CYRIB: variants seen among roughly 807,000 people sequenced by gnomAD.
CYRIB encodes CYFIP-related Rac1 interactor B.
In CYRIB, 8 loss-of-function variants were observed where a neutral mutation model predicts 44.2. The observed-to-expected ratio is 0.18, with a 90% CI of 0.11 to 0.33. The LOEUF is 0.33. Among genes scored for constraint, CYRIB ranks in the 10% least tolerant of loss-of-function variants. The pLI, the probability that CYRIB is intolerant of heterozygous loss-of-function variation, is 1.00. For synonymous variants in CYRIB, 131 were observed against 127.2 expected (o/e 1.03, Z -0.20); for missense variants, 185 against 382.8 (o/e 0.48, Z 4.31).
chr8:130,016,962 G>C (rs1046282319), upstream of CYRIB: 1 of 152,196 alleles, frequency 6.6e-6, no homozygotes, highest in East Asian at 1.9e-4. Context: ...CTCGAACCCC[G>C]GTCTCCAGAC....
chr8:129,892,681 A>T (rs2065966015), intron 2 of CYRIB, among the ~76,000 whole-genome samples: 1 of 152,216 alleles, frequency 6.6e-6, no homozygotes. Flanking sequence ...GTGGAAGTGT[A>T]AACTACTATG....
At chr8:129,854,128 C>A (rs1200804267) in intron 7 of CYRIB, 138 bp downstream of exon 9, 4 of 689,224 alleles carry the variant, frequency 5.8e-6, no homozygotes, top group Non-Finnish European at 1.0e-5. Context: ...GCTTTTCCTC[C>A]TACAGCTATG....
At chr8:129,998,997 CA>C (rs1260272215) in intron 1 of CYRIB, among the ~76,000 whole-genome samples, 4 of 152,324 alleles carry the variant, frequency 2.6e-5, no homozygotes, top group Non-Finnish European at 4.4e-5. Flanking sequence ...TCAGCGCCGA[CA>C]ATCCTCAGCT....
chr8:130,014,561 A>T (rs926545139), intron 1 of CYRIB, among the ~76,000 whole-genome samples: 1 of 152,182 alleles, frequency 6.6e-6, no homozygotes, highest in Non-Finnish European at 1.5e-5. Flanking sequence ...CCACATAGCT[A>T]AGGATCCTAA....
At chr8:129,857,921 C>A (rs2047071008) in intron 5 of CYRIB, among the ~76,000 whole-genome samples, 1 of 152,222 alleles carries the variant, frequency 6.6e-6, no homozygotes, top group East Asian at 1.9e-4. Context: ...ATTCCAAGTT[C>A]TCTACCACTT....
chr8:129,948,272 C>T (rs904936375), intron 2 of CYRIB, among the ~76,000 whole-genome samples: 1 of 152,218 alleles, frequency 6.6e-6, no homozygotes, highest in African/African-American at 2.4e-5. Flanking sequence ...AGATTTTCTG[C>T]ACGCCTTCAC....
intron 1 of CYRIB, among the ~76,000 whole-genome samples, chr8:129,937,552 A>C (rs2093035169): frequency 6.6e-6 from 1 of 152,244 alleles, no homozygotes; most frequent in Non-Finnish European, 1.5e-5. Context: ...AGTTCAGAAA[A>C]ATGAATTTTA....
chr8:129,888,782 C>A (rs2063818596), intron 2 of CYRIB, among the ~76,000 whole-genome samples: 1 of 152,026 alleles, frequency 6.6e-6, no homozygotes, highest in Non-Finnish European at 1.5e-5. Flanking sequence ...TAAGTATTTG[C>A]TGAAAAAATA....
intron 10 of CYRIB, among the ~76,000 whole-genome samples, chr8:129,848,322 G>A (rs1048469813): frequency 4.6e-5 from 7 of 152,256 alleles, no homozygotes; most frequent in East Asian, 3.9e-4. Flanking sequence ...ATCGAGATCC[G>A]AAATGCTAAG....
At chr8:129,900,498 T>C (rs1339026902) in intron 2 of CYRIB, among the ~76,000 whole-genome samples, 6 of 152,180 alleles carry the variant, frequency 3.9e-5, no homozygotes, top group Non-Finnish European at 8.8e-5. Context: ...GGCTGAAACT[T>C]ACCACCGTAC....
intron 1 of CYRIB, among the ~76,000 whole-genome samples, chr8:129,926,516 C>T (rs552508798): frequency 6.6e-6 from 1 of 152,240 alleles, no homozygotes; most frequent in African/African-American, 2.4e-5. Context: ...TGTTACATCT[C>T]TAAATATGAT....
At chr8:129,941,072 C>T (rs2093656898), upstream of CYRIB, among the ~76,000 whole-genome samples, 1 of 151,990 alleles carries the variant, frequency 6.6e-6, no homozygotes, top group Admixed American at 6.6e-5. Flanking sequence ...ATGTAGAAAC[C>T]AAATGGTATG....
chr8:129,977,030 C>T (rs367822477), intron 1 of CYRIB, among the ~76,000 whole-genome samples: 6 of 152,144 alleles, frequency 3.9e-5, no homozygotes, highest in African/African-American at 1.2e-4. Context: ...TTAGTGGAGA[C>T]GGGGTTTCAC....
At chr8:129,892,169 AAGTAC>A (rs766044057) in intron 2 of CYRIB, among the ~76,000 whole-genome samples, 1 of 152,192 alleles carries the variant, frequency 6.6e-6, no homozygotes, top group Non-Finnish European at 1.5e-5. Flanking sequence ...GGTTTGCATC[AAGTAC>A]AGACAAAGAG....
At chr8:129,987,704 G>T (rs949038939) in intron 1 of CYRIB, among the ~76,000 whole-genome samples, 1 of 151,798 alleles carries the variant, frequency 6.6e-6, no homozygotes, top group Admixed American at 6.6e-5. Context: ...TAAGTAGCTG[G>T]GATTCCACAG....
intron 1 of CYRIB, among the ~76,000 whole-genome samples, chr8:130,005,583 A>G (rs930804725): frequency 6.6e-6 from 1 of 152,132 alleles, no homozygotes; most frequent in Non-Finnish European, 1.5e-5. Flanking sequence ...AGATTCTAAC[A>G]AGAGGTTACA....
chr8:129,879,488 G>A lies in CYRIB; in HGVS notation c.-10-17C>T. 1 of 1,516,424 alleles carries A rather than the reference G, an allele frequency of 6.6e-7. No individual in the cohort carries two copies. 93.9% of individuals were successfully genotyped at this position (1,516,424 alleles called of 1,614,324 possible). A position where few individuals can be genotyped will look rare whatever the true frequency, so the allele number is the denominator to read the frequency against. ...TTAAGGTACCTGTCAAGACAAGAAT[G>A]AGAAAAGAGAAAATATCCCTTTATA... On this transcript the variant is annotated splice_polypyrimidine_tract_variant and intron_variant, in intron 2 of 11. Transcript: ENST00000519824.
At chr8:129,981,822 A>C (rs989315987) in intron 1 of CYRIB, among the ~76,000 whole-genome samples, 1 of 152,172 alleles carries the variant, frequency 6.6e-6, no homozygotes, top group Non-Finnish European at 1.5e-5. Flanking sequence ...CCCGGGCTTC[A>C]GGTTTCAGTT....
At chr8:129,891,225 T>C (rs2065253494) in intron 2 of CYRIB, among the ~76,000 whole-genome samples, 1 of 152,250 alleles carries the variant, frequency 6.6e-6, no homozygotes, top group Admixed American at 6.5e-5. Flanking sequence ...CTGCTTCTTG[T>C]GGTTTCTATT....
Sources: allele counts gnomAD v4.1 joint callset (sites outside exome capture counted in the v4.1 genomes callset), GRCh38; gene constraint gnomAD v4.1.1; transcripts MANE v1.5; gene names NCBI Gene and HGNC (gene_info 2026-07-23, HGNC 2026-07-21).